The following COQ5 variants were observed in gnomAD, a reference collection of about 807,000 sequenced individuals.
The protein encoded by COQ5 is coenzyme Q5, methyltransferase, also known as 2-methoxy-6-polyprenyl-1,4-benzoquinol methylase, mitochondrial.
Under a neutral mutation model 40.5 loss-of-function variants are expected in COQ5, and 27 were observed. The ratio of observed to expected loss-of-function variants is 0.67; its 90% CI spans 0.49 to 0.92. The LOEUF (loss-of-function observed/expected upper bound fraction) is 0.92, where lower values mean the gene tolerates loss of function less well. COQ5 is among the 40% of genes least tolerant of loss of function. The pLI is 0.00. For missense variants in COQ5, 409 were observed against 406.4 expected, an observed-to-expected ratio of 1.01 and a Z score of -0.06; for synonymous variants, 141 against 150.0, an observed-to-expected ratio of 0.94 and a Z score of 0.44.
intron 4 of COQ5, among the ~76,000 whole-genome samples, chr12:120,506,699 G>C (rs1387632724): frequency 6.6e-6 from 1 of 151,932 alleles, no homozygotes; most frequent in Non-Finnish European, 1.5e-5. Context: ...CCCTATCACA[G>C]CCTTTCAAGA....
Position 120,503,595 on chromosome 12 carries a change from T to C in COQ5, c.*189A>G, listed in dbSNP as rs1004041349. Reference sequence around the variant, plus strand: ...CCTCTGGGAGATGGACTGAAGCAGCTCCAAAGAAAGCTGTAAAAAAGTGAC... The same window carrying C: ...CCTCTGGGAGATGGACTGAAGCAGCCCCAAAGAAAGCTGTAAAAAAGTGAC... On this transcript the variant is annotated 3_prime_UTR_variant, in exon 7 of 7. Coordinates refer to ENST00000288532, the MANE Select transcript of COQ5 (RefSeq NM_032314.4). The C allele has an allele frequency of 5.8e-6, 4 of 687,682 alleles. No individual in the cohort carries two copies. Among genetic ancestry groups the C allele is most frequent in the South Asian group, 4.5e-5 (3 of 66,628 alleles). The allele number at this position is 687,682 out of a possible 1,614,324, so 42.6% of individuals were successfully genotyped here. A position where few individuals can be genotyped will look rare whatever the true frequency, so the allele number is the denominator to read the frequency against.
intron 2 of COQ5, among the ~76,000 whole-genome samples, chr12:120,517,409 G>A (rs1869427589): frequency 6.6e-6 from 1 of 151,608 alleles, no homozygotes; most frequent in Non-Finnish European, 1.5e-5. Context: ...GGTGGCTCAT[G>A]CCTGTAATCC....
chr12:120,509,998 A>T lies in COQ5; in HGVS notation c.681+19T>A. On this transcript the variant is annotated intron_variant, in intron 4 of 6. Transcript: ENST00000288532. ...AATTTCCTGAGAGTCATACAAGCTG[A>T]GGATGCAGCCATTCATACCTGATCA... 1 of 1,562,922 alleles carries T rather than the reference A, an allele frequency of 6.4e-7. No individual in the cohort carries two copies. Among genetic ancestry groups the T allele is most frequent in the South Asian group, 1.1e-5 (1 of 90,016 alleles).
intron 3 of COQ5, among the ~76,000 whole-genome samples, chr12:120,511,366 G>A (rs1438639722): frequency 5.9e-5 from 9 of 152,090 alleles, no homozygotes; most frequent in Non-Finnish European, 1.5e-5. Context: ...TTATCAAGTG[G>A]CAGGGTCTGT....
intron 1 of COQ5, among the ~76,000 whole-genome samples, chr12:120,528,214 A>G (rs1293873634): frequency 6.6e-6 from 1 of 151,074 alleles, no homozygotes; most frequent in African/African-American, 2.4e-5. Context: ...AAATAAATAA[A>G]TAAATAAATA....
chr12:120,516,230 C>T (rs719450), intron 3 of COQ5, among the ~76,000 whole-genome samples: 32,551 of 152,058 alleles, frequency 0.21, 5,541 homozygotes, highest in African/African-American at 0.48. Flanking sequence ...GACAGCAAAA[C>T]TTCTGTCTCA....
chr12:120,529,011 G>T lies in COQ5; in HGVS notation c.131C>A (p.Ser44Tyr), dbSNP rs528137911. 1 of 1,614,024 alleles carries T rather than the reference G, an allele frequency of 6.2e-7. No individual in the cohort carries two copies. The highest frequency in any genetic ancestry group is 1.3e-5 in the African/African-American group (1 of 74,976). The part of the protein sequence containing the change: ...PGDLLSARLL[S>Y]QEKRAAETHF... ...CGTTTCCGCTGCCCGCTTCTCTTGG[G>T]ACAAGAGCCGAGCACTTAGTAGGTC... The change falls in exon 1 of 7, where the codon TCC becomes TAC. Residue 44 changes from serine to tyrosine, a missense_variant. Physicochemically the swap from Ser to Tyr is moderately radical, Grantham distance 144. Coordinates refer to ENST00000288532, the MANE Select transcript of COQ5 (RefSeq NM_032314.4).
At chr12:120,514,392 C>T (rs1869280906) in intron 3 of COQ5, among the ~76,000 whole-genome samples, 1 of 152,060 alleles carries the variant, frequency 6.6e-6, no homozygotes, top group South Asian at 2.1e-4. Flanking sequence ...ACCACTGCCC[C>T]TCACAGTGGC....
Position 120,516,636 on chromosome 12 carries a change from C to T in COQ5, c.505G>A (p.Val169Met). 6.2e-7 allele frequency: 1 copy of T among 1,614,226 alleles called. No individual in the cohort carries two copies. Among genetic ancestry groups the T allele is most frequent in the Non-Finnish European group, 8.5e-7 (1 of 1,180,042 alleles). The change falls in exon 3 of 7, where the codon GTG becomes ATG. Residue 169 changes from valine (V) to methionine (M), a missense_variant. Physicochemically the swap from Val to Met is conservative, Grantham distance 21. Coordinates refer to ENST00000288532, the MANE Select transcript of COQ5 (RefSeq NM_032314.4). ...EDSLGGSRVVVCDINKEMLKV... is the reference protein window; with the variant it reads ...EDSLGGSRVVMCDINKEMLKV... Reference sequence around the variant, plus strand: ...AGCATCTCCTTGTTGATGTCACACACCACGACACGAGACCCGCCCAAGGAA... The same window carrying T: ...AGCATCTCCTTGTTGATGTCACACATCACGACACGAGACCCGCCCAAGGAA...
At chr12:120,522,511 A>C in intron 1 of COQ5, 148 bp from the exon 2 acceptor site, 15 of 735,158 alleles carry the variant, frequency 2.0e-5, no homozygotes, top group Middle Eastern at 3.5e-4. Flanking sequence ...CCAAATCTAC[A>C]CCTTAACATT....
chr12:120,527,146 A>T (rs1306007610), intron 1 of COQ5: 2 of 151,824 alleles, frequency 1.3e-5, no homozygotes, highest in African/African-American at 4.8e-5. Flanking sequence ...GCAGTGGCAC[A>T]ATCTCAGATC....
At chr12:120,520,155 A>T (rs1165822939) in intron 2 of COQ5, among the ~76,000 whole-genome samples, 2 of 150,888 alleles carry the variant, frequency 1.3e-5, no homozygotes, top group African/African-American at 4.9e-5. Context: ...TATTATTATT[A>T]TTTTTTGAGA....
chr12:120,521,639 G>A (rs1326257797), intron 2 of COQ5, among the ~76,000 whole-genome samples: 1 of 145,378 alleles, frequency 6.9e-6, no homozygotes, highest in Non-Finnish European at 1.5e-5. Context: ...TTGCACCGCT[G>A]CTGCACTGCA....
intron 3 of COQ5, among the ~76,000 whole-genome samples, chr12:120,513,629 C>T (rs1261341492): frequency 2.7e-5 from 4 of 150,058 alleles, no homozygotes; most frequent in African/African-American, 4.9e-5. Context: ...AAGAGATTCT[C>T]GTGCCTCAGC....
At chr12:120,505,677 C>A (rs539892060) in intron 4 of COQ5, among the ~76,000 whole-genome samples, 16 of 151,954 alleles carry the variant, frequency 1.1e-4, no homozygotes, top group African/African-American at 3.9e-4. Context: ...CTGCCTCAGC[C>A]TCCCGAGTAG....
In COQ5 at chr12:120,528,967, C is replaced by T; in HGVS notation, c.175G>A (p.Val59Met). The T allele has an allele frequency of 6.2e-7, 1 of 1,614,178 alleles. No homozygotes were observed. Among genetic ancestry groups the T allele is most frequent in the Non-Finnish European group, 8.5e-7 (1 of 1,180,038 alleles). ...AAETHFGFETVSEEEKGGKVY... is the reference protein window; with the variant it reads ...AAETHFGFETMSEEEKGGKVY... ...TTGCCCCCCTTCTCCTCTTCCGACA[C>T]AGTCTCAAACCCAAAGTGCGTTTCC... Residue 59 changes from valine (V) to methionine (M), a missense_variant, in exon 1 of 7, where the codon GTG becomes ATG. By Grantham distance (21) the Val-to-Met change is conservative. Transcript: ENST00000288532.
chr12:120,526,915 C>A, intron 1 of COQ5: 1 of 156,962 alleles, frequency 6.4e-6, no homozygotes. Context: ...CGGAGTTTCA[C>A]CGTGTTAGCC....
Position 120,510,212 on chromosome 12 carries a change from G to C in COQ5, c.575-89C>G, listed in dbSNP as rs1457935349. The C allele has an allele frequency of 2.2e-5, 22 of 1,009,606 alleles. No individual in the cohort carries two copies. In the Admixed American group the frequency reaches 3.4e-4, roughly 16 times the overall value. 62.5% of individuals were successfully genotyped at this position (1,009,606 alleles called of 1,614,324 possible). A position where few individuals can be genotyped will look rare whatever the true frequency, so the allele number is the denominator to read the frequency against. ...TCATTTCATGTAGAGCATTGAGCTG[G>C]AGAGCCCAAGTCCTGGGTGGTTAGG... On this transcript the variant is annotated intron_variant, in intron 3 of 6. Transcript: ENST00000288532.
chr12:120,522,440 GC>G (rs1040433234), intron 1 of COQ5, 77 bp from the exon 2 acceptor site: 118 of 1,439,872 alleles, frequency 8.2e-5, no homozygotes, highest in Non-Finnish European at 1.0e-4. Flanking sequence ...AAAGGAGGAA[GC>G]TTTTTTCCCC....
Sources: allele counts gnomAD v4.1 joint callset (sites outside exome capture counted in the v4.1 genomes callset), GRCh38; gene constraint gnomAD v4.1.1; transcripts MANE v1.5; gene names NCBI Gene and HGNC (gene_info 2026-07-23, HGNC 2026-07-21).